MSRA: variants seen among roughly 807,000 people sequenced by gnomAD.
The protein encoded by MSRA is mitochondrial peptide methionine sulfoxide reductase.
Under a neutral mutation model 31.3 loss-of-function variants are expected in MSRA, and 54 were observed. The ratio of observed to expected loss-of-function variants is 1.73; its 90% CI spans 1.39 to 2.17. The LOEUF is 2.17. Ranked by LOEUF, MSRA falls within the 30% of genes most tolerant of loss-of-function variation. The probability of loss-of-function intolerance (pLI) is 0.00; values close to 1 mark genes in which losing one functional copy is unlikely to be tolerated. For synonymous variants in MSRA, 169 were observed against 116.5 expected (o/e 1.45, Z -2.90); for missense variants, 507 against 300.9 (o/e 1.69, Z -5.07).
At chr8:10,166,760 G>T (rs1457695540) in intron 1 of MSRA, among the ~76,000 whole-genome samples, 1 of 152,060 alleles carries the variant, frequency 6.6e-6, no homozygotes, top group Non-Finnish European at 1.5e-5. Context: ...CTTGCTTGTT[G>T]GTGGTTTTGC....
At chr8:10,165,649 G>C (rs1159651545) in intron 1 of MSRA, among the ~76,000 whole-genome samples, 2 of 152,154 alleles carry the variant, frequency 1.3e-5, no homozygotes, top group African/African-American at 4.8e-5. Flanking sequence ...TGTAGACCGA[G>C]TCTACGTCCT....
At chr8:10,166,582 T>G (rs1397028417) in intron 1 of MSRA, among the ~76,000 whole-genome samples, 1 of 152,150 alleles carries the variant, frequency 6.6e-6, no homozygotes, top group African/African-American at 2.4e-5. Context: ...TGTGTGTTTG[T>G]GTGTTGGAGA....
intron 1 of MSRA, among the ~76,000 whole-genome samples, chr8:10,179,498 T>C (rs998474705): frequency 3.3e-5 from 5 of 152,360 alleles, no homozygotes; most frequent in African/African-American, 1.2e-4. Context: ...GGTTTTTGTC[T>C]TGGCAAGGTT....
intron 1 of MSRA, among the ~76,000 whole-genome samples, chr8:10,131,769 C>G (rs372369618): frequency 6.6e-6 from 1 of 152,210 alleles, no homozygotes; most frequent in African/African-American, 2.4e-5. Context: ...GTCGCTGCCT[C>G]TTCCTGAGCT....
chr8:10,187,845 C>T (rs186756390), intron 1 of MSRA, among the ~76,000 whole-genome samples: 17 of 152,278 alleles, frequency 1.1e-4, no homozygotes, highest in Non-Finnish European at 1.8e-4. Context: ...ACAGAAAGAA[C>T]TATCAATTAT....
chr8:10,344,872 C>T (rs1289997912), intron 5 of MSRA, among the ~76,000 whole-genome samples: 1 of 152,162 alleles, frequency 6.6e-6, no homozygotes, highest in African/African-American at 2.4e-5. Flanking sequence ...CACAGCATAA[C>T]AAACTACCCC....
At chr8:10,183,501 CAG>C (rs1318951337) in intron 1 of MSRA, among the ~76,000 whole-genome samples, 2 of 152,124 alleles carry the variant, frequency 1.3e-5, no homozygotes, top group Admixed American at 6.5e-5. Context: ...AAGCTACAGT[CAG>C]GGGCAGACCA....
intron 1 of MSRA, among the ~76,000 whole-genome samples, chr8:10,099,842 C>T (rs992137429): frequency 6.6e-6 from 1 of 152,208 alleles, no homozygotes; most frequent in Non-Finnish European, 1.5e-5. Context: ...GGCCAGCCCT[C>T]TGTTGTCTTG....
At chr8:10,260,768 T>G (rs953786719) in intron 3 of MSRA, among the ~76,000 whole-genome samples, 2 of 152,212 alleles carry the variant, frequency 1.3e-5, no homozygotes, top group Non-Finnish European at 2.9e-5. Flanking sequence ...TGTGTGTGCT[T>G]AATGTCTTTT....
chr8:10,370,822 T>A (rs1008122367), intron 5 of MSRA, among the ~76,000 whole-genome samples: 2 of 152,240 alleles, frequency 1.3e-5, no homozygotes, highest in Admixed American at 1.3e-4. Flanking sequence ...CATGTGGATT[T>A]GTCCTCCTTC....
intron 4 of MSRA, among the ~76,000 whole-genome samples, chr8:10,319,486 G>A (rs1185180133): frequency 6.6e-6 from 1 of 152,152 alleles, no homozygotes; most frequent in African/African-American, 2.4e-5. Flanking sequence ...TCCACCAAGG[G>A]AGGGATGATG....
At chr8:10,419,202 C>A (rs1466987764) in intron 5 of MSRA, among the ~76,000 whole-genome samples, 16 of 152,168 alleles carry the variant, frequency 1.1e-4, no homozygotes, top group Admixed American at 9.2e-4. Flanking sequence ...ATCCCTTGCA[C>A]CTCTCACGTG....
At chr8:10,133,618 A>G (rs553707255) in intron 1 of MSRA, among the ~76,000 whole-genome samples, 42 of 152,316 alleles carry the variant, frequency 2.8e-4, no homozygotes, top group African/African-American at 1.0e-3. Flanking sequence ...GTATACCCAC[A>G]GTGGGGAAAA....
chr8:10,079,188 TCAC>T, intron 1 of MSRA, among the ~76,000 whole-genome samples: 1 of 152,084 alleles, frequency 6.6e-6, no homozygotes, highest in Non-Finnish European at 1.5e-5. Flanking sequence ...AGGCAGGGTC[TCAC>T]TTTGTGGGCC....
intron 1 of MSRA, among the ~76,000 whole-genome samples, chr8:10,138,848 C>G (rs1033667332): frequency 2.0e-5 from 3 of 152,140 alleles, no homozygotes; most frequent in Admixed American, 6.5e-5. Flanking sequence ...TTTGGATTCA[C>G]TCTTAAAATG....
At chr8:10,309,848 G>C (rs1478701604) in intron 4 of MSRA, among the ~76,000 whole-genome samples, 1 of 152,176 alleles carries the variant, frequency 6.6e-6, no homozygotes, top group African/African-American at 2.4e-5. Flanking sequence ...TTTCCAGGTG[G>C]TCCCAGGGAA....
chr8:10,106,862 CA>C (rs1799921267), intron 1 of MSRA, among the ~76,000 whole-genome samples: 1 of 152,040 alleles, frequency 6.6e-6, no homozygotes, highest in African/African-American at 2.4e-5. Context: ...ACTACCCACG[CA>C]CCTACCCACC....
intron 5 of MSRA, among the ~76,000 whole-genome samples, chr8:10,349,662 C>G (rs1338022379): frequency 6.6e-6 from 1 of 152,238 alleles, no homozygotes. Context: ...TTCGTCCCCT[C>G]TGTGCCTAGT....
intron 1 of MSRA, among the ~76,000 whole-genome samples, chr8:10,153,693 G>T (rs528455538): frequency 2.8e-4 from 42 of 152,236 alleles, no homozygotes; most frequent in African/African-American, 9.4e-4. Flanking sequence ...CATGAAGTAC[G>T]CTGGCTGCTC....
Sources: gnomAD v4.1 joint callset for allele counts (sites outside exome capture counted in the v4.1 genomes callset) on GRCh38, gnomAD v4.1.1 for gene constraint, MANE v1.5 for transcripts, NCBI Gene and HGNC (gene_info 2026-07-23, HGNC 2026-07-21) for gene names.